Variants in ZNF608 observed in about 807,000 individuals in gnomAD.
ZNF608 encodes the protein zinc finger protein 608.
In ZNF608, 12 loss-of-function variants were observed where a neutral mutation model predicts 109.0. The ratio of observed to expected loss-of-function variants is 0.11; its 90% CI spans 0.07 to 0.18. The LOEUF is 0.18. Among genes scored for constraint, ZNF608 ranks in the 10% least tolerant of loss-of-function variants. The pLI, the probability that ZNF608 is intolerant of heterozygous loss-of-function variation, is 1.00. For missense variants in ZNF608, 1,707 were observed against 1,879.3 expected, an observed-to-expected ratio of 0.91 and a Z score of 1.70; for synonymous variants, 732 against 717.4, an observed-to-expected ratio of 1.02 and a Z score of -0.33.
Position 124,637,671 on chromosome 5 carries a change from A to T in ZNF608, c.*229T>A. On this transcript the variant is annotated 3_prime_UTR_variant, in exon 10 of 10. Transcript: ENST00000513986. Reference sequence around the variant, plus strand: ...AAGTAAAGAATATATTTATATTTATATATATATATATGTATATATACAGAT... The same window carrying T: ...AAGTAAAGAATATATTTATATTTATTTATATATATATGTATATATACAGAT... 1 of 183,204 alleles carries T rather than the reference A, an allele frequency of 5.5e-6. No individual in the cohort carries two copies. Among genetic ancestry groups the T allele is most frequent in the East Asian group, 1.4e-4 (1 of 7,178 alleles). 11.3% of individuals were successfully genotyped at this position (183,204 alleles called of 1,614,324 possible).
intron 3 of ZNF608, among the ~76,000 whole-genome samples, chr5:124,695,768 CA>C (rs879618696): frequency 4.3e-4 from 61 of 140,326 alleles, no homozygotes; most frequent in Middle Eastern, 3.7e-3. Context: ...GACCCTGTCT[CA>C]AAAAAAAAAA....
intron 2 of ZNF608, among the ~76,000 whole-genome samples, chr5:124,720,235 C>G (rs558765028): frequency 3.0e-4 from 46 of 152,270 alleles, no homozygotes; most frequent in African/African-American, 1.1e-3. Flanking sequence ...CGGGGTGTCT[C>G]AAAAAGGAAA....
chr5:124,730,698 T>C (rs1748855253), intron 2 of ZNF608, among the ~76,000 whole-genome samples: 1 of 152,150 alleles, frequency 6.6e-6, no homozygotes, highest in Non-Finnish European at 1.5e-5. Flanking sequence ...ACATTTTATA[T>C]GGGCAACAAA....
intron 2 of ZNF608, among the ~76,000 whole-genome samples, chr5:124,719,893 A>G (rs1257021855): frequency 6.6e-6 from 1 of 152,156 alleles, no homozygotes; most frequent in Non-Finnish European, 1.5e-5. Context: ...TACAATGCAT[A>G]CTCAATAAAC....
chr5:124,649,596 G>A lies in ZNF608; in HGVS notation c.1250+14C>T. On this transcript the variant is annotated intron_variant, in intron 4 of 9. Coordinates refer to ENST00000513986, the MANE Select transcript of ZNF608 (RefSeq NM_020747.3). ...AGGATGGGGAAGGAGAGAAATAAAAGGCCCTGTTCATACCTGGGAGGGGCC... is the reference window on the plus strand; with the variant it reads ...AGGATGGGGAAGGAGAGAAATAAAAAGCCCTGTTCATACCTGGGAGGGGCC... 1 of 1,600,750 alleles carries A rather than the reference G, an allele frequency of 6.2e-7. No individual in the cohort carries two copies. Among genetic ancestry groups the A allele is most frequent in the Non-Finnish European group, 8.5e-7 (1 of 1,171,248 alleles).
In ZNF608 at chr5:124,648,576, C is replaced by G; in HGVS notation, c.1808G>C (p.Ser603Thr). ...DKISDCEEGL[S>T]NVALECSEPS... ...CTCACTGCATTCAAGTGCCACATTA[C>G]TCAATCCTTCCTCACAGTCCGAGAT... The change falls in exon 5 of 10, where the codon AGT (serine) becomes ACT (threonine). Residue 603 changes from serine (S) to threonine (T), a missense_variant. Ser to Thr is a moderately conservative substitution (Grantham distance 58, BLOSUM62 1). Around this residue, in one of 7 missense-constraint regions of ZNF608, gnomAD observed 1,073 missense variants for 1,133.5 expected, o/e 0.95. Transcript: ENST00000513986. The G allele has an allele frequency of 1.2e-6, 2 of 1,614,254 alleles. No individual in the cohort carries two copies. Among genetic ancestry groups the G allele is most frequent in the Non-Finnish European group, 1.7e-6 (2 of 1,180,050 alleles).
chr5:124,716,345 AAG>A (rs1279486172), intron 2 of ZNF608, among the ~76,000 whole-genome samples: 2 of 151,978 alleles, frequency 1.3e-5, no homozygotes, highest in Admixed American at 1.3e-4. Context: ...TAAAAAAAAA[AAG>A]AGGGGATTTC....
chr5:124,695,720 A>T (rs1260913203), intron 3 of ZNF608, among the ~76,000 whole-genome samples: 1 of 152,082 alleles, frequency 6.6e-6, no homozygotes, highest in Non-Finnish European at 1.5e-5. Context: ...GTGAGCCATG[A>T]TCACAACAAC....
chr5:124,721,954 A>AAAAAAAAAAAAAAAAAAAAAAAAAC (rs1180416996), intron 2 of ZNF608, among the ~76,000 whole-genome samples: 1 of 140,282 alleles, frequency 7.1e-6, no homozygotes, highest in Non-Finnish European at 1.6e-5. Flanking sequence ...AAAAAAAAAA[A>AAAAAAAAAAAAAAAAAAAAAAAAAC]AAAAAAAAAA....
chr5:124,743,223 T>C (rs1162778975), intron 2 of ZNF608, among the ~76,000 whole-genome samples: 1 of 152,196 alleles, frequency 6.6e-6, no homozygotes, highest in Non-Finnish European at 1.5e-5. Flanking sequence ...ATGCAGCACA[T>C]AATTCTATAT....
intron 3 of ZNF608, among the ~76,000 whole-genome samples, chr5:124,695,610 C>CA (rs34251594): frequency 3.3e-4 from 50 of 149,796 alleles, no homozygotes; most frequent in Middle Eastern, 3.4e-3. Context: ...ACAAAAAATA[C>CA]AAAAAAAAAT....
chr5:124,651,635 A>G (rs1376749921), intron 3 of ZNF608, among the ~76,000 whole-genome samples: 3 of 152,260 alleles, frequency 2.0e-5, no homozygotes, highest in African/African-American at 7.2e-5. Flanking sequence ...AAAAACAGGA[A>G]AAGTCTGCAC....
chr5:124,666,876 T>C (rs771454532), intron 3 of ZNF608, among the ~76,000 whole-genome samples: 3 of 152,114 alleles, frequency 2.0e-5, no homozygotes, highest in Non-Finnish European at 4.4e-5. Flanking sequence ...GAAATCCCAG[T>C]ATGCAAGCAT....
At chr5:124,654,744 G>A (rs562727744) in intron 3 of ZNF608, among the ~76,000 whole-genome samples, 1 of 152,296 alleles carries the variant, frequency 6.6e-6, no homozygotes, top group East Asian at 1.9e-4. Context: ...TTCCAGGCCT[G>A]GCCCATAAGA....
chr5:124,710,330 C>T (rs1367270487), intron 2 of ZNF608: 1 of 414,486 alleles, frequency 2.4e-6, no homozygotes, highest in African/African-American at 2.1e-5. Flanking sequence ...CACTTGCAAC[C>T]ACCTAAAAGG....
chr5:124,735,338 G>A (rs1180311882), intron 2 of ZNF608, among the ~76,000 whole-genome samples: 2 of 149,952 alleles, frequency 1.3e-5, no homozygotes, highest in Admixed American at 6.7e-5. Context: ...GCCATAAACG[G>A]GTCCCTGGCG....
chr5:124,670,919 C>G (rs906233305), intron 3 of ZNF608, among the ~76,000 whole-genome samples: 1 of 152,148 alleles, frequency 6.6e-6, no homozygotes, highest in South Asian at 2.1e-4. Context: ...CTTTCTACCC[C>G]CTCCCCTTCT....
At chr5:124,715,594 A>G (rs1446405507) in intron 2 of ZNF608, among the ~76,000 whole-genome samples, 2 of 152,222 alleles carry the variant, frequency 1.3e-5, no homozygotes, top group Non-Finnish European at 2.9e-5. Flanking sequence ...ATTATCTTCT[A>G]AAATTAAAAA....
At chr5:124,727,699 C>T (rs1748674606) in intron 2 of ZNF608, among the ~76,000 whole-genome samples, 1 of 140,528 alleles carries the variant, frequency 7.1e-6, no homozygotes, top group African/African-American at 2.6e-5. Context: ...GCTTCAGCCT[C>T]ATCAGTTGTA....
Sources: gnomAD v4.1 joint callset for allele counts (sites outside exome capture counted in the v4.1 genomes callset) on GRCh38, gnomAD v4.1.1 for gene constraint, gnomAD v4.1.1 regional missense constraint, MANE v1.5 for transcripts, NCBI Gene and HGNC (gene_info 2026-07-23, HGNC 2026-07-21) for gene names.